SIVA1: variants seen among roughly 807,000 people sequenced by gnomAD.
The protein encoded by SIVA1 is SIVA1 apoptosis inducing factor.
Under a neutral mutation model 19.7 loss-of-function variants are expected in SIVA1, and 10 were observed. The observed-to-expected ratio is 0.51, with a 90% CI of 0.31 to 0.86. The LOEUF is 0.86. Among genes scored for constraint, SIVA1 ranks in the 40% least tolerant of loss-of-function variants. The pLI, the probability that SIVA1 is intolerant of heterozygous loss-of-function variation, is 0.04. For missense variants in SIVA1, 241 were observed against 245.2 expected (o/e 0.98, Z 0.11); for synonymous variants, 130 against 106.1 (o/e 1.23, Z -1.39).
intron 2 of SIVA1, 45 bp downstream of exon 2, chr14:104,755,869 G>C (rs1181792531): frequency 6.4e-7 from 1 of 1,560,120 alleles, no homozygotes; most frequent in Non-Finnish European, 8.8e-7. Context: ...ACTGAGGGCA[G>C]GTGGTGGCAC....
In SIVA1 at chr14:104,755,656, G is replaced by A. The variant is rs764231979; in HGVS notation, c.145G>A (p.Gly49Arg). 8.1e-6 allele frequency: 13 copies of A among 1,613,048 alleles called. No individual in the cohort carries two copies. Among genetic ancestry groups the A allele is most frequent in the African/African-American group, 1.3e-5 (1 of 74,850 alleles). Residue 49 changes from glycine to arginine, a missense_variant, in exon 2 of 4, where the codon GGG becomes AGG. Physicochemically the swap from Gly to Arg is moderately radical, Grantham distance 125. Transcript: ENST00000329967. ...GAAGACCAAGCGACTCCTGTTCCTCGGGGCCCAGGCCTACCTGGACCACGT... is the reference window on the plus strand; with the variant it reads ...GAAGACCAAGCGACTCCTGTTCCTCAGGGCCCAGGCCTACCTGGACCACGT... ...FEKTKRLLFL[G>R]AQAYLDHVWD...
In SIVA1 at chr14:104,759,220, CTT is replaced by C; in HGVS notation, c.471-204_471-203del. On this transcript the variant is annotated intron_variant, in intron 3 of 3. Coordinates refer to ENST00000329967, the MANE Select transcript of SIVA1 (RefSeq NM_006427.4). The surrounding 1 kb of genome is among the most constrained non-coding windows in gnomAD (Gnocchi z 4.2). ...CTCTGTGTCCTTCTCTTCACGTAGT[CTT>C]TTTAGGACGCTGGTCGTGTTGCCTT... The C allele has an allele frequency of 2.1e-6, 1 of 470,054 alleles. No individual in the cohort carries two copies. Among genetic ancestry groups the C allele is most frequent in the Non-Finnish European group, 3.8e-6 (1 of 263,246 alleles). 29.1% of individuals were successfully genotyped at this position (470,054 alleles called of 1,614,324 possible).
intron 2 of SIVA1, chr14:104,756,292 G>A: frequency 2.0e-6 from 1 of 490,728 alleles, no homozygotes; most frequent in Non-Finnish European, 3.7e-6. Context: ...GACACATGGA[G>A]TTCTGACAAG....
intron 3 of SIVA1, 33 bp downstream of exon 3, chr14:104,756,793 C>T: frequency 6.3e-7 from 1 of 1,576,040 alleles, no homozygotes; most frequent in Non-Finnish European, 8.6e-7. Context: ...CTGCTGAGAT[C>T]CCATAGCCCC....
rs901244023 is a variant in SIVA1 at position 104,759,204 on chromosome 14, C to T, written c.471-224C>T. ...TCATGTCGTCTTCCTTCTCTGTGTC[C>T]TTCTCTTCACGTAGTCTTTTTAGGA... is the stretch of plus-strand genomic sequence containing the variant. On this transcript the variant is annotated intron_variant, in intron 3 of 3. Transcript: ENST00000329967. This position sits in a 1 kb window ranked among gnomAD's most constrained non-coding sequence, Gnocchi z 4.2. 2 of 445,404 alleles carry T rather than the reference C, an allele frequency of 4.5e-6. No individual in the cohort carries two copies. Among genetic ancestry groups the T allele is most frequent in the African/African-American group, 2.0e-5 (1 of 49,652 alleles). 27.6% of individuals were successfully genotyped at this position (445,404 alleles called of 1,614,324 possible).
chr14:104,756,839 G>C, intron 3 of SIVA1, 79 bp downstream of exon 3: 1 of 1,446,704 alleles, frequency 6.9e-7, no homozygotes, highest in Non-Finnish European at 9.2e-7. Context: ...GGTCACCCAT[G>C]TGGGCCCAGA....
At chr14:104,753,451 G>C (rs888761441) in intron 1 of SIVA1, 132 bp downstream of exon 1, 2 of 619,388 alleles carry the variant, frequency 3.2e-6, no homozygotes, top group Non-Finnish European at 5.4e-6. Flanking sequence ...CCGGAAGCTG[G>C]GAGGCCGCGG....
intron 3 of SIVA1, chr14:104,757,194 C>A: frequency 2.8e-6 from 1 of 359,582 alleles, no homozygotes; most frequent in Non-Finnish European, 5.5e-6. Context: ...TTTGTGTAGT[C>A]TCCCATTTGT....
chr14:104,757,369 G>T (rs1013154182), intron 3 of SIVA1: 17 of 375,534 alleles, frequency 4.5e-5, no homozygotes, highest in Non-Finnish European at 5.8e-5. Flanking sequence ...TGTGGAACTG[G>T]CTCCATAGAC....
rs1566807475 is a variant in SIVA1 at position 104,753,190 on chromosome 14, G to A, written c.-12G>A. 6.5e-7 allele frequency: 1 copy of A among 1,543,874 alleles called. No individual in the cohort carries two copies. The highest frequency in any genetic ancestry group is 1.2e-5 in the South Asian group (1 of 85,714). On this transcript the variant is annotated 5_prime_UTR_variant, in exon 1 of 4. Coordinates refer to ENST00000329967, the MANE Select transcript of SIVA1 (RefSeq NM_006427.4). ...GCGGCCGGGGAGCTGCGTAGCTCCCGGCCCCGCGGCCATGCCCAAGCGGAG... is the reference window on the plus strand; with the variant it reads ...GCGGCCGGGGAGCTGCGTAGCTCCCAGCCCCGCGGCCATGCCCAAGCGGAG...
chr14:104,753,959 G>A (rs965862246), intron 1 of SIVA1: 10 of 315,624 alleles, frequency 3.2e-5, no homozygotes, highest in African/African-American at 2.0e-4. Context: ...GGAATCCTGT[G>A]GGGGCGAGTA....
chr14:104,758,490 T>TAGAG, intron 3 of SIVA1: 2 of 121,604 alleles, frequency 1.6e-5, no homozygotes, highest in African/African-American at 6.4e-5. Flanking sequence ...TTTAGAGCTT[T>TAGAG]CTTTTTTTTT....
At chr14:104,757,225 G>A (rs1356048840) in intron 3 of SIVA1, 2 of 385,982 alleles carry the variant, frequency 5.2e-6, no homozygotes, top group African/African-American at 2.1e-5. Flanking sequence ...GCTGCAGCTG[G>A]CTGGATCCCG....
intron 1 of SIVA1, among the ~76,000 whole-genome samples, chr14:104,754,594 G>A (rs190101002): frequency 2.0e-5 from 3 of 152,330 alleles, no homozygotes; most frequent in African/African-American, 7.2e-5. Flanking sequence ...GGTCAGGGAG[G>A]TCTGCTGGGT....
At chr14:104,754,517 A>G (rs1891820690) in intron 1 of SIVA1, among the ~76,000 whole-genome samples, 1 of 152,216 alleles carries the variant, frequency 6.6e-6, no homozygotes, top group Non-Finnish European at 1.5e-5. Context: ...CTGGCTCAGT[A>G]TGGCCCTTTA....
intron 1 of SIVA1, 101 bp from the exon 2 acceptor site, chr14:104,755,529 G>T (rs1891854587): frequency 9.3e-7 from 1 of 1,078,060 alleles, no homozygotes; most frequent in African/African-American, 1.6e-5. Context: ...GGGCACACAG[G>T]AGGACGATGG....
At chr14:104,753,679 G>A (rs905318275) in intron 1 of SIVA1, 14 of 429,078 alleles carry the variant, frequency 3.3e-5, no homozygotes, top group Admixed American at 2.9e-4. Flanking sequence ...GGAGAGGTTG[G>A]GGAGCGGGGC....
At chr14:104,757,349 TC>T in intron 3 of SIVA1, 1 of 404,898 alleles carries the variant, frequency 2.5e-6, no homozygotes, top group South Asian at 1.7e-5. Context: ...GATGACTTCA[TC>T]CAGACACATG....
chr14:104,757,028 A>G, intron 3 of SIVA1: 1 of 515,732 alleles, frequency 1.9e-6, no homozygotes, highest in Non-Finnish European at 3.5e-6. Context: ...TCCTGTTCTG[A>G]TCTTTGAGCA....
Sources: gnomAD v4.1 joint callset for allele counts (sites outside exome capture counted in the v4.1 genomes callset) on GRCh38, gnomAD v4.1.1 for gene constraint, Gnocchi (gnomAD v3.1) non-coding constraint, MANE v1.5 for transcripts, NCBI Gene and HGNC (gene_info 2026-07-23, HGNC 2026-07-21) for gene names.